WDR41: variants seen among roughly 807,000 people sequenced by gnomAD.
WDR41 encodes WD repeat domain 41, also known as WD repeat-containing protein 41.
Under a neutral mutation model 69.3 loss-of-function variants are expected in WDR41, and 63 were observed. The ratio of observed to expected loss-of-function variants is 0.91; its 90% confidence interval spans 0.74 to 1.12. WDR41 has a LOEUF of 1.12. Among genes scored for constraint, WDR41 ranks in the 50% most tolerant of loss-of-function variants. WDR41 has a pLI of 0.00. For synonymous variants in WDR41, 185 were observed against 192.1 expected (o/e 0.96, Z 0.31); for missense variants, 543 against 534.5 (o/e 1.02, Z -0.16).
chr5:77,613,996 G>C (rs1744622199), intron 1 of WDR41, among the ~76,000 whole-genome samples: 1 of 152,176 alleles, frequency 6.6e-6, no homozygotes, highest in African/African-American at 2.4e-5. Flanking sequence ...GATATGAACA[G>C]ACACTTCTCA....
In WDR41 at chr5:77,606,744, A is replaced by G. The variant is rs574254611; in HGVS notation, c.42+13735T>C. On this transcript the variant is annotated intron_variant, in intron 1 of 5. Transcript: ENST00000509971. ...CTTGAGACCAGGAGTTTGAGGCTGCACCAAGCCATGATTGTGCCACTGCAT... is the reference window on the plus strand; with the variant it reads ...CTTGAGACCAGGAGTTTGAGGCTGCGCCAAGCCATGATTGTGCCACTGCAT... Among the ~76,000 whole-genome samples, 108 of 152,108 alleles carry G rather than the reference A, an allele frequency of 7.1e-4. No individual in the cohort carries two copies. The East Asian group carries it at 0.017, about 23-fold the overall frequency.
At chr5:77,476,040 G>A (rs1012698212) in intron 2 of WDR41, among the ~76,000 whole-genome samples, 10 of 152,146 alleles carry the variant, frequency 6.6e-5, no homozygotes, top group Admixed American at 2.0e-4. Flanking sequence ...AGCCTCAGAA[G>A]CCGATGCGAT....
upstream of WDR41, among the ~76,000 whole-genome samples, chr5:77,494,629 T>C (rs977363691): frequency 2.6e-5 from 4 of 152,106 alleles, no homozygotes; most frequent in African/African-American, 9.7e-5. Context: ...ATTACAAATA[T>C]TTACACACCT....
intron 2 of WDR41, among the ~76,000 whole-genome samples, chr5:77,485,173 T>C (rs749516491): frequency 1.3e-5 from 2 of 152,162 alleles, no homozygotes; most frequent in Non-Finnish European, 2.9e-5. Context: ...CTTATAAACC[T>C]ATTGCATGCT....
At chr5:77,600,977 A>C (rs1385197551) in intron 1 of WDR41, among the ~76,000 whole-genome samples, 1 of 146,008 alleles carries the variant, frequency 6.8e-6, no homozygotes, top group Non-Finnish European at 1.5e-5. Flanking sequence ...GGCCATAAAC[A>C]GTGTGTATCT....
In WDR41 at chr5:77,438,226, A is replaced by G; in HGVS notation, c.1004+14T>C. 6.2e-7 allele frequency: 1 copy of G among 1,613,818 alleles called. No homozygotes were observed. The highest frequency in any genetic ancestry group is 1.1e-5 in the South Asian group (1 of 91,032). On this transcript the variant is annotated intron_variant, in intron 10 of 12. Coordinates refer to ENST00000296679, the MANE Select transcript of WDR41 (RefSeq NM_018268.4). Reference sequence around the variant, plus strand: ...CTTGCTTTCATCTATTGCAGAACAGATGGGAACTTGTACCTGTTTGGAAGT... The same window carrying G: ...CTTGCTTTCATCTATTGCAGAACAGGTGGGAACTTGTACCTGTTTGGAAGT...
In WDR41 at chr5:77,530,232, G is replaced by A. The variant is rs1431479381; in HGVS notation, c.43-40660C>T. On this transcript the variant is annotated intron_variant, in intron 1 of 5. Coordinates refer to the WDR41 transcript ENST00000509971. ...TCTCATTCATTTTTGCTAGGAAAAT[G>A]GTACCCCTATCCTATTACCCAACAA... Among the ~76,000 whole-genome samples, 3 of 151,518 alleles carry A rather than the reference G, an allele frequency of 2.0e-5. No homozygotes were observed. The East Asian group carries it at 5.8e-4, about 29-fold the overall frequency.
chr5:77,478,707 A>G (rs1349492901), intron 2 of WDR41, among the ~76,000 whole-genome samples: 1 of 151,906 alleles, frequency 6.6e-6, no homozygotes, highest in Non-Finnish European at 1.5e-5. Flanking sequence ...TGACAAACCC[A>G]CAGCCAATAT....
intron 1 of WDR41, among the ~76,000 whole-genome samples, chr5:77,506,147 G>A (rs1802102552): frequency 1.3e-5 from 2 of 152,086 alleles, no homozygotes; most frequent in African/African-American, 4.8e-5. Context: ...ATCTGACAAA[G>A]GGCTAATATC....
intron 1 of WDR41, among the ~76,000 whole-genome samples, chr5:77,612,746 C>T (rs766801552): frequency 6.6e-6 from 1 of 150,606 alleles, no homozygotes; most frequent in Admixed American, 6.6e-5. Context: ...GACAGGGATG[C>T]CCTCTCTCAC....
At chr5:77,486,980 C>A (rs143781508) in intron 2 of WDR41, among the ~76,000 whole-genome samples, 1 of 152,322 alleles carries the variant, frequency 6.6e-6, no homozygotes, top group African/African-American at 2.4e-5. Context: ...TATATGTGAG[C>A]ACCACTGTGG....
chr5:77,462,952 G>T, intron 4 of WDR41, 143 bp downstream of exon 4: 2 of 792,274 alleles, frequency 2.5e-6, no homozygotes, highest in South Asian at 2.3e-5. Context: ...CTAATAAATG[G>T]TATCTTATAA....
chr5:77,512,331 T>TGAGAGAGAGAGAAAGAGAGAGAGAGAGA (rs59306558), intron 1 of WDR41, among the ~76,000 whole-genome samples: 17 of 87,938 alleles, frequency 1.9e-4, no homozygotes, highest in Admixed American at 2.6e-4. Flanking sequence ...ATGGGGTGAG[T>TGAGAGAGAGAGAAAGAGAGAGAGAGAGA]GAGAGAGAGA....
chr5:77,575,251 A>G (rs1273029793), intron 1 of WDR41, among the ~76,000 whole-genome samples: 2 of 152,252 alleles, frequency 1.3e-5, no homozygotes, highest in Non-Finnish European at 2.9e-5. Flanking sequence ...GGAAAAGAAT[A>G]AGCTACGACA....
At chr5:77,597,387 G>C (rs972576948) in intron 1 of WDR41, among the ~76,000 whole-genome samples, 1 of 152,178 alleles carries the variant, frequency 6.6e-6, no homozygotes. Context: ...CTTACAGTTT[G>C]ACTGATTTTA....
intron 4 of WDR41, among the ~76,000 whole-genome samples, chr5:77,462,883 G>A (rs905922401): frequency 6.6e-6 from 1 of 152,160 alleles, no homozygotes; most frequent in African/African-American, 2.4e-5. Context: ...AATAGTCACG[G>A]AGTTTCCATC....
At chr5:77,498,816 C>CAA (rs35946022) in intron 1 of WDR41, among the ~76,000 whole-genome samples, 5 of 87,474 alleles carry the variant, frequency 5.7e-5, no homozygotes, top group Middle Eastern at 6.4e-3. Flanking sequence ...AAGACCCCAT[C>CAA]AAAAAAAAAA....
intron 1 of WDR41, among the ~76,000 whole-genome samples, chr5:77,562,775 G>T (rs1441378888): frequency 6.6e-6 from 1 of 152,104 alleles, no homozygotes; most frequent in East Asian, 1.9e-4. Context: ...AATCACTTGG[G>T]CCTTGGTGAG....
intron 8 of WDR41, among the ~76,000 whole-genome samples, chr5:77,448,535 C>T (rs1799477208): frequency 6.6e-6 from 1 of 151,890 alleles, no homozygotes; most frequent in African/African-American, 2.4e-5. Context: ...TCTCTGTGTC[C>T]CTCGCTCCCC....
Sources: allele counts gnomAD v4.1 joint callset (sites outside exome capture counted in the v4.1 genomes callset), GRCh38; gene constraint gnomAD v4.1.1; transcripts MANE v1.5; gene names NCBI Gene and HGNC (gene_info 2026-07-23, HGNC 2026-07-21).